SUGCT: variants seen among roughly 807,000 people sequenced by gnomAD.
SUGCT encodes the protein succinyl-CoA:glutarate CoA-transferase.
Under a neutral mutation model 55.0 loss-of-function variants are expected in SUGCT, and 41 were observed. The ratio of observed to expected loss-of-function variants is 0.74; its 90% CI spans 0.58 to 0.97. The LOEUF is 0.97. Ranked by LOEUF, SUGCT falls within the 50% of genes least tolerant of loss-of-function variation. SUGCT has a pLI of 0.00. For synonymous variants in SUGCT, 187 were observed against 200.4 expected (o/e 0.93, Z 0.56); for missense variants, 568 against 547.8 (o/e 1.04, Z -0.37).
At chr7:40,998,226 G>A in the SUGCT span, among the ~76,000 whole-genome samples, 14 of 152,180 alleles carry the variant, frequency 9.2e-5, no homozygotes, top group East Asian at 2.7e-3. Context: ...AAATAAATTA[G>A]CCTGGCATGG....
At chr7:40,799,205 G>T (rs1243964666) in intron 13 of SUGCT, among the ~76,000 whole-genome samples, 2 of 152,112 alleles carry the variant, frequency 1.3e-5, no homozygotes, top group Non-Finnish European at 2.9e-5. Flanking sequence ...GCACCAAGAG[G>T]CTCTTCAGTT....
intron 12 of SUGCT, among the ~76,000 whole-genome samples, chr7:40,522,719 T>C (rs1793603742): frequency 6.6e-6 from 1 of 152,144 alleles, no homozygotes; most frequent in Non-Finnish European, 1.5e-5. Flanking sequence ...CCTCTTAGTT[T>C]TAACTGTTGA....
chr7:40,446,234 T>C (rs887821443), intron 9 of SUGCT, among the ~76,000 whole-genome samples: 8 of 152,126 alleles, frequency 5.3e-5, no homozygotes, highest in African/African-American at 1.9e-4. Flanking sequence ...GCCCAGAAAA[T>C]ATAAACTTAT....
chr7:40,528,089 CT>C (rs924225325), intron 12 of SUGCT, among the ~76,000 whole-genome samples: 3 of 152,102 alleles, frequency 2.0e-5, no homozygotes, highest in Non-Finnish European at 4.4e-5. Context: ...CTTTCTGTGC[CT>C]TCATTTCCTA....
At chr7:40,488,348 A>T (rs1322735903) in intron 11 of SUGCT, among the ~76,000 whole-genome samples, 1 of 152,030 alleles carries the variant, frequency 6.6e-6, no homozygotes, top group African/African-American at 2.4e-5. Flanking sequence ...ACAACAAAAA[A>T]CTCTACATTT....
chr7:40,496,297 C>G lies in SUGCT; in HGVS notation c.1000C>G (p.Leu334Val). 6.2e-7 allele frequency: 1 copy of G among 1,611,564 alleles called. No individual in the cohort carries two copies. Among genetic ancestry groups the G allele is most frequent in the Non-Finnish European group, 8.5e-7 (1 of 1,178,516 alleles). ...TTGTCTTCTTAGGTTTGAAGAAGAA[C>G]TGACCAGCAAGTGGTTATATCTTTT... ...KILSERFEEELTSKWLYLFEG... is the reference protein window; with the variant it reads ...KILSERFEEEVTSKWLYLFEG... Residue 334 changes from leucine to valine, a missense_variant, in exon 12 of 14, where the codon CTG becomes GTG. Leu to Val is a conservative substitution (Grantham distance 32). Transcript: ENST00000335693.
chr7:40,161,973 T>C (rs1784176293), intron 1 of SUGCT, among the ~76,000 whole-genome samples: 1 of 152,130 alleles, frequency 6.6e-6, no homozygotes, highest in Non-Finnish European at 1.5e-5. Flanking sequence ...CTTGGCTCAT[T>C]GCAACCTCCG....
At chr7:40,700,651 C>G (rs1005967913) in intron 12 of SUGCT, among the ~76,000 whole-genome samples, 1 of 152,112 alleles carries the variant, frequency 6.6e-6, no homozygotes, top group Non-Finnish European at 1.5e-5. Context: ...TTGACCATGT[C>G]GGTGGTTTTA....
chr7:40,703,300 T>G lies in SUGCT; in HGVS notation c.1090-46134T>G, dbSNP rs180709785. ...GCTGGTCTCGACAGCCTGTCCTCTT[T>G]ATAGGTGGTGGTCGGGGTCCTTGCC... is the stretch of plus-strand genomic sequence containing the variant. On this transcript the variant is annotated intron_variant, in intron 12 of 13. Transcript: ENST00000335693. Among the ~76,000 whole-genome samples, 6 of 152,162 alleles carry G rather than the reference T, an allele frequency of 3.9e-5. No homozygotes were observed. The East Asian group carries it at 1.2e-3, about 30-fold the overall frequency.
At chr7:40,991,089 G>A in the SUGCT span, among the ~76,000 whole-genome samples, 20 of 152,136 alleles carry the variant, frequency 1.3e-4, no homozygotes, top group African/African-American at 3.9e-4. Context: ...TGTCTTCCTC[G>A]CTAAGCTTAA....
the SUGCT span, among the ~76,000 whole-genome samples, chr7:40,994,701 C>T: frequency 0.012 from 1,893 of 152,194 alleles, 48 homozygotes; most frequent in African/African-American, 0.043. Flanking sequence ...GTGCGATTCC[C>T]AGGGTTGGAG....
rs191754334 is a variant in SUGCT at position 40,338,189 on chromosome 7, C to T, written c.816+21334C>T. On this transcript the variant is annotated intron_variant, in intron 9 of 13. Coordinates refer to ENST00000335693, the MANE Select transcript of SUGCT (RefSeq NM_001193313.2). ...CTCTGGCTGCCCTTAACATTTTTTC[C>T]TTCATTTCAAGTTTGGTGAATCTGA... is the stretch of plus-strand genomic sequence containing the variant. Among the ~76,000 whole-genome samples the T allele has an allele frequency of 2.0e-5, 3 of 152,210 alleles. No individual in the cohort carries two copies. In the East Asian group the frequency reaches 5.8e-4, roughly 29 times the overall value.
intron 1 of SUGCT, among the ~76,000 whole-genome samples, chr7:40,162,025 T>C (rs372621683): frequency 5.9e-4 from 89 of 152,100 alleles, no homozygotes; most frequent in Middle Eastern, 3.4e-3. Context: ...GCCTCCCAAG[T>C]AGCTGGGATT....
At chr7:40,298,192 TA>T (rs879865961) in intron 8 of SUGCT, among the ~76,000 whole-genome samples, 711 of 142,538 alleles carry the variant, frequency 5.0e-3, no homozygotes, top group African/African-American at 6.3e-3. Context: ...TATCTTGATT[TA>T]AAAAAAAAAA....
At position 40,183,688 on chromosome 7, in the gene SUGCT, T is replaced by G. The variant is rs367552030; in HGVS notation, c.226+1660T>G. Among the ~76,000 whole-genome samples, 38 of 152,342 alleles carry G rather than the reference T, an allele frequency of 2.5e-4. 1 individual carries two copies. The South Asian group carries it at 6.8e-3, about 27-fold the overall frequency. On this transcript the variant is annotated intron_variant, in intron 3 of 13. Coordinates refer to ENST00000335693, the MANE Select transcript of SUGCT (RefSeq NM_001193313.2). ...CCCCATTTTATAATTTTAAAGGTTT[T>G]GAAGCGGGAAACGCCTAAGCTTAGA...
intron 12 of SUGCT, among the ~76,000 whole-genome samples, chr7:40,571,296 AAAG>A (rs1446170171): frequency 5.9e-5 from 9 of 152,220 alleles, no homozygotes; most frequent in Non-Finnish European, 2.9e-5. Flanking sequence ...GTAAAAAATT[AAAG>A]TTTTGAGAAT....
chr7:40,389,762 C>G (rs1013795469), intron 9 of SUGCT, among the ~76,000 whole-genome samples: 5 of 152,172 alleles, frequency 3.3e-5, no homozygotes, highest in Non-Finnish European at 7.3e-5. Context: ...TGATTATGCA[C>G]TACTCCTAAC....
At chr7:40,576,037 G>A (rs999560237) in intron 12 of SUGCT, among the ~76,000 whole-genome samples, 3 of 151,956 alleles carry the variant, frequency 2.0e-5, no homozygotes, top group South Asian at 2.1e-4. Flanking sequence ...ACTGAGTTGC[G>A]ACTGTCAGTC....
At chr7:40,154,948 G>A (rs1421668348) in intron 1 of SUGCT, among the ~76,000 whole-genome samples, 2 of 152,100 alleles carry the variant, frequency 1.3e-5, no homozygotes, top group East Asian at 1.9e-4. Flanking sequence ...TTTATCAAAG[G>A]GATTGCAAAA....
Sources: gnomAD v4.1 joint callset for allele counts (sites outside exome capture counted in the v4.1 genomes callset) on GRCh38, gnomAD v4.1.1 for gene constraint, MANE v1.5 for transcripts, NCBI Gene and HGNC (gene_info 2026-07-23, HGNC 2026-07-21) for gene names.